GBF1: variants seen among roughly 807,000 people sequenced by gnomAD.
The protein encoded by GBF1 is Golgi-specific brefeldin A-resistance guanine nucleotide exchange factor 1.
Under a neutral mutation model 210.5 loss-of-function variants are expected in GBF1, and 114 were observed. The observed-to-expected ratio is 0.54, with a 90% CI of 0.47 to 0.63. The LOEUF (loss-of-function observed/expected upper bound fraction) is 0.63. GBF1 is among the 30% of genes least tolerant of loss of function. The pLI is 0.00. For synonymous variants in GBF1, 850 were observed against 889.2 expected (o/e 0.96, Z 0.78); for missense variants, 1,851 against 2,357.7 (o/e 0.79, Z 4.45).
intron 3 of GBF1, among the ~76,000 whole-genome samples, chr10:102,310,763 G>C (rs544779537): frequency 6.6e-6 from 1 of 152,224 alleles, no homozygotes; most frequent in Non-Finnish European, 1.5e-5. Context: ...AGGCCATGTT[G>C]CTCTTGCTAA....
intron 3 of GBF1, among the ~76,000 whole-genome samples, chr10:102,329,765 G>A (rs2057195305): frequency 6.6e-6 from 1 of 150,650 alleles, no homozygotes; most frequent in South Asian, 2.1e-4. Flanking sequence ...GCCCGGCCAA[G>A]TTTTAAATTT....
At chr10:102,348,133 C>T (rs1306761902) in intron 4 of GBF1, among the ~76,000 whole-genome samples, 2 of 152,042 alleles carry the variant, frequency 1.3e-5, no homozygotes, top group African/African-American at 4.8e-5. Context: ...GATGGGGTCT[C>T]GCTGTATTGG....
intron 1 of GBF1, among the ~76,000 whole-genome samples, chr10:102,256,284 A>G (rs754760767): frequency 1.3e-5 from 2 of 151,522 alleles, no homozygotes; most frequent in East Asian, 3.9e-4. Context: ...TTCCTTTATC[A>G]TGGTGGTTTT....
At chr10:102,238,738 C>A in the GBF1 span, among the ~76,000 whole-genome samples, 1 of 152,298 alleles carries the variant, frequency 6.6e-6, no homozygotes, top group Non-Finnish European at 1.5e-5. Context: ...CCCCATTACA[C>A]CTCTAAGAAG....
intron 1 of GBF1, among the ~76,000 whole-genome samples, chr10:102,252,846 CA>C (rs1294805695): frequency 2.1e-3 from 281 of 134,844 alleles, no homozygotes; most frequent in Middle Eastern, 7.6e-3. Context: ...GACCCTGTTT[CA>C]AAAAAAAAAA....
At chr10:102,258,789 AAAAAAG>A in intron 1 of GBF1, 134 bp from the exon 2 acceptor site, 5 of 522,264 alleles carry the variant, frequency 9.6e-6, no homozygotes, top group South Asian at 4.2e-5. Context: ...AAAAAAAAAA[AAAAAAG>A]AAAGAAAGAA....
At chr10:102,291,487 C>G (rs907993014) in intron 3 of GBF1, among the ~76,000 whole-genome samples, 1 of 152,024 alleles carries the variant, frequency 6.6e-6, no homozygotes, top group Non-Finnish European at 1.5e-5. Context: ...ATTGTCTTCC[C>G]CAGACTTTTT....
Position 102,367,086 on chromosome 10 carries a change from A to T in GBF1, c.2435A>T (p.Asn812Ile), listed in dbSNP as rs546158529. ...LLEAFTERWM[N>I]CNGSPFANSD... is the part of the protein sequence containing the mutation. ...CAGGCGGGATCTTTGCTTTTTCAGAATTGTAATGGCTCCCCATTTGCCAAT... is the reference window on the plus strand; with the variant it reads ...CAGGCGGGATCTTTGCTTTTTCAGATTTGTAATGGCTCCCCATTTGCCAAT... Residue 812 changes from asparagine (N) to isoleucine (I), a missense_variant and splice_region_variant, in exon 20 of 40, where the codon AAT becomes ATT. Around this residue, in one of 3 missense-constraint regions of GBF1, gnomAD observed 80 missense variants for 151.4 expected, o/e 0.53. Transcript: ENST00000369983. The T allele has an allele frequency of 6.2e-7, 1 of 1,614,054 alleles. No homozygotes were observed. The highest frequency in any genetic ancestry group is 1.3e-5 in the African/African-American group (1 of 75,014).
intron 3 of GBF1, among the ~76,000 whole-genome samples, chr10:102,270,764 C>A (rs1431933477): frequency 2.0e-5 from 3 of 152,128 alleles, no homozygotes; most frequent in African/African-American, 7.2e-5. Context: ...AAACATTTTC[C>A]GTTTGTCCCC....
Position 102,382,514 on chromosome 10 carries a change from G to A in GBF1, c.*178G>A. ...CCCCAGCTAAGACCCCCAATCAGCT[G>A]TGGGACCTTTTTCCTCCTCTGCGCT... On this transcript the variant is annotated 3_prime_UTR_variant, in exon 40 of 40. Transcript: ENST00000369983. The A allele has an allele frequency of 1.7e-6, 1 of 573,572 alleles. No individual in the cohort carries two copies. The highest frequency in any genetic ancestry group is 3.0e-6 in the Non-Finnish European group (1 of 331,410). 35.5% of individuals were successfully genotyped at this position (573,572 alleles called of 1,614,324 possible). A position where few individuals can be genotyped will look rare whatever the true frequency, so the allele number is the denominator to read the frequency against.
At position 102,291,890 on chromosome 10, in the gene GBF1, C is replaced by CTT. The variant is rs1223283560; in HGVS notation, c.163+31790_163+31791dup. ...AGGGACCCAAACCCCTAGAACTTTT[C>CTT]TTTTTTTTTTTTTTTTTGAGAGGGA... On this transcript the variant is annotated intron_variant, in intron 3 of 39. Coordinates refer to ENST00000369983, the MANE Select transcript of GBF1 (RefSeq NM_001377137.1). Among the ~76,000 whole-genome samples the CTT allele has an allele frequency of 7.4e-3, 943 of 127,680 alleles. 22 individuals carry two copies. Among genetic ancestry groups the CTT allele is most frequent in the Non-Finnish European group, 0.01 (615 of 61,128 alleles). 83.8% of individuals were successfully genotyped at this position (127,680 alleles called of 152,430 possible). A position where few individuals can be genotyped will look rare whatever the true frequency, so the allele number is the denominator to read the frequency against.
intron 1 of GBF1, 134 bp from the exon 2 acceptor site, chr10:102,258,793 AAG>A (rs375300014): frequency 1.2e-5 from 6 of 513,150 alleles, no homozygotes; most frequent in Admixed American, 3.0e-5. Flanking sequence ...AAAAAAAAAA[AAG>A]AAAGAAAGAA....
chr10:102,304,463 TA>T (rs2077661550), intron 3 of GBF1, among the ~76,000 whole-genome samples: 1 of 152,112 alleles, frequency 6.6e-6, no homozygotes, highest in African/African-American at 2.4e-5. Flanking sequence ...TTTAGGAACA[TA>T]ATCTTCAAGG....
chr10:102,375,332 C>CCGCTCCCT, intron 29 of GBF1, 27 bp from the exon 30 acceptor site: 2 of 1,384,060 alleles, frequency 1.4e-6, no homozygotes, highest in Non-Finnish European at 2.1e-6. Context: ...CCCCGCTTCC[C>CCGCTCCCT]CGCTCCCTGC....
Position 102,377,024 on chromosome 10 carries a change from C to T in GBF1, c.4378C>T (p.Leu1460Phe). 1 of 1,614,108 alleles carries T rather than the reference C, an allele frequency of 6.2e-7. No individual in the cohort carries two copies. The highest frequency in any genetic ancestry group is 8.5e-7 in the Non-Finnish European group (1 of 1,179,960). The change falls in exon 33 of 40, where the codon CTT (leucine) becomes TTT (phenylalanine). Residue 1460 changes from leucine (L) to phenylalanine (F), a missense_variant. Transcript: ENST00000369983. Reference sequence around the variant, plus strand: ...GAAGAAATCCAAAGAGGGATCAATGCTTCGCCGGCCTCGAACCTCCAGCCA... The same window carrying T: ...GAAGAAATCCAAAGAGGGATCAATGTTTCGCCGGCCTCGAACCTCCAGCCA... ...FKKKSKEGSM[L>F]RRPRTSSQHA... is the part of the protein sequence containing the mutation.
chr10:102,353,744 T>G (rs912528852), intron 8 of GBF1, 90 bp downstream of exon 8: 5 of 888,150 alleles, frequency 5.6e-6, no homozygotes, highest in Non-Finnish European at 9.4e-6. Flanking sequence ...AGCAAAGATA[T>G]GCTTTTGCCT....
Position 102,376,606 on chromosome 10 carries a change from C to T in GBF1, c.4094C>T (p.Pro1365Leu), listed in dbSNP as rs764844336. The change falls in exon 32 of 40, where the codon CCA (proline) becomes CTA (leucine). Residue 1365 changes from proline to leucine, a missense_variant. This residue lies in a region of GBF1 where 967 missense variants were observed against 1,247.7 expected (regional missense o/e 0.78). Transcript: ENST00000369983. Reference protein sequence around the residue: ...VDNSKPGPSRPGPSPLINQYS... With the variant: ...VDNSKPGPSRLGPSPLINQYS... ...AACTCCAAGCCAGGGCCCAGCCGCC[C>T]AGGCCCTTCACCCCTGATCAATCAA... is the stretch of plus-strand genomic sequence containing the variant. 1 of 1,613,528 alleles carries T rather than the reference C, an allele frequency of 6.2e-7. No individual in the cohort carries two copies. The highest frequency in any genetic ancestry group is 8.5e-7 in the Non-Finnish European group (1 of 1,179,448).
In GBF1 at chr10:102,381,194, C is replaced by A. The variant is rs749977120; in HGVS notation, c.5241C>A (p.Gly1747=). The change falls in exon 39 of 40, where the codon GGC becomes GGA. Residue 1747 remains glycine (G), a synonymous_variant. Transcript: ENST00000369983. ...LASAHLTSAA[G]DTRTPGHPPP... ...CAGCCCACCTGACTTCCGCTGCTGG[C>A]GACACTAGGACACCTGGCCATCCAC... 5 of 1,613,714 alleles carry A rather than the reference C, an allele frequency of 3.1e-6. No homozygotes were observed. Among genetic ancestry groups the A allele is most frequent in the Non-Finnish European group, 4.2e-6 (5 of 1,179,862 alleles).
At chr10:102,277,580 T>C (rs898351074) in intron 3 of GBF1, among the ~76,000 whole-genome samples, 18 of 152,082 alleles carry the variant, frequency 1.2e-4, no homozygotes, top group Admixed American at 9.2e-4. Flanking sequence ...GGTTTCGCCA[T>C]GATGGCCAGG....
Sources: allele counts gnomAD v4.1 joint callset (sites outside exome capture counted in the v4.1 genomes callset), GRCh38; gene constraint gnomAD v4.1.1; regional missense constraint gnomAD v4.1.1; transcripts MANE v1.5; gene names NCBI Gene and HGNC (gene_info 2026-07-23, HGNC 2026-07-21).